The following TSPAN18 variants were observed in gnomAD, a reference collection of about 807,000 sequenced individuals.
TSPAN18 encodes tetraspanin 18.
TSPAN18 carries 14 observed loss-of-function variants against 27.3 expected under a neutral mutation model. The observed-to-expected ratio is 0.51, with a 90% CI of 0.34 to 0.80. The LOEUF (loss-of-function observed/expected upper bound fraction) is 0.80. Among genes scored for constraint, TSPAN18 ranks in the 30% least tolerant of loss-of-function variants. The probability of loss-of-function intolerance (pLI) is 0.01; values close to 1 mark genes in which losing one functional copy is unlikely to be tolerated. For synonymous variants in TSPAN18, 143 were observed against 136.5 expected (o/e 1.05, Z -0.33); for missense variants, 268 against 323.9 (o/e 0.83, Z 1.32).
intron 1 of TSPAN18, among the ~76,000 whole-genome samples, chr11:44,762,650 T>A (rs2134888754): frequency 6.6e-6 from 1 of 152,278 alleles, no homozygotes. Context: ...TGTGTGTGTG[T>A]TTATGGGTTT....
chr11:44,857,183 GGA>G (rs555273452), intron 2 of TSPAN18, among the ~76,000 whole-genome samples: 287 of 152,308 alleles, frequency 1.9e-3, no homozygotes, highest in African/African-American at 6.4e-3. Context: ...GTCTCCCTGG[GGA>G]ACTCTCTGCT....
At chr11:44,804,868 G>A (rs1033300177) in intron 2 of TSPAN18, among the ~76,000 whole-genome samples, 9 of 152,214 alleles carry the variant, frequency 5.9e-5, no homozygotes, top group Admixed American at 5.2e-4. Context: ...ACCCCATTAT[G>A]AGTTCCGACG....
chr11:44,867,257 G>A (rs1858062371), intron 3 of TSPAN18, among the ~76,000 whole-genome samples: 1 of 152,036 alleles, frequency 6.6e-6, no homozygotes, highest in Admixed American at 6.6e-5. Context: ...TCTGATGGAA[G>A]CTCAAGTTTG....
At chr11:44,826,140 G>C (rs1464537295) in intron 2 of TSPAN18, among the ~76,000 whole-genome samples, 1 of 152,240 alleles carries the variant, frequency 6.6e-6, no homozygotes, top group Non-Finnish European at 1.5e-5. Flanking sequence ...GCTAAAAGAA[G>C]GGCCGGACGT....
Position 44,763,330 on chromosome 11 carries a change from GGCC to G in TSPAN18, c.-239-1095_-239-1093del, listed in dbSNP as rs1312405740. Among the ~76,000 whole-genome samples, 376 of 152,230 alleles carry G rather than the reference GGCC, an allele frequency of 2.5e-3. 3 individuals are homozygous for G. The highest frequency in any genetic ancestry group is 8.7e-3 in the African/African-American group (360 of 41,528). ...GTGACTGAGCCAATCTCTTGGGACTGGCCTGTCTCTGCTGGCAGGTATGTGGCC... is the reference window on the plus strand; with the variant it reads ...GTGACTGAGCCAATCTCTTGGGACTGTGTCTCTGCTGGCAGGTATGTGGCC... On this transcript the variant is annotated intron_variant, in intron 1 of 9. Transcript: ENST00000520358.
chr11:44,802,614 C>CACACACACACACACACACACACAG (rs1375848802), intron 2 of TSPAN18, among the ~76,000 whole-genome samples: 2 of 150,878 alleles, frequency 1.3e-5, no homozygotes, highest in African/African-American at 4.9e-5. Flanking sequence ...GCACTGCACA[C>CACACACACACACACACACACACAG]ACACACACAC....
intron 2 of TSPAN18, among the ~76,000 whole-genome samples, chr11:44,857,604 G>T (rs904177589): frequency 2.6e-5 from 4 of 152,302 alleles, no homozygotes; most frequent in Admixed American, 1.3e-4. Flanking sequence ...TGGCCTCAAC[G>T]AGTGTGGGAT....
chr11:44,923,451 C>A (rs1565016739), intron 8 of TSPAN18, among the ~76,000 whole-genome samples: 1 of 152,082 alleles, frequency 6.6e-6, no homozygotes, highest in South Asian at 2.1e-4. Flanking sequence ...CAGGGGAAAC[C>A]GTCACGGGGT....
intron 3 of TSPAN18, among the ~76,000 whole-genome samples, chr11:44,870,843 T>G (rs1858174763): frequency 6.6e-6 from 1 of 152,202 alleles, no homozygotes; most frequent in Non-Finnish European, 1.5e-5. Context: ...GGGGGACTAC[T>G]CATCTTTGTA....
At chr11:44,917,001 C>T (rs1455042084) in intron 5 of TSPAN18, among the ~76,000 whole-genome samples, 1 of 152,236 alleles carries the variant, frequency 6.6e-6, no homozygotes, top group Non-Finnish European at 1.5e-5. Flanking sequence ...TGGCAGATCA[C>T]AGGGCCTTCA....
intron 2 of TSPAN18, among the ~76,000 whole-genome samples, chr11:44,767,316 G>A (rs959308364): frequency 1.3e-5 from 2 of 152,174 alleles, no homozygotes; most frequent in Non-Finnish European, 2.9e-5. Context: ...CCCAGAAGGC[G>A]AGCATTAATA....
chr11:44,787,085 G>A (rs369174671), intron 2 of TSPAN18, among the ~76,000 whole-genome samples: 5 of 152,242 alleles, frequency 3.3e-5, no homozygotes, highest in East Asian at 3.9e-4. Context: ...AGATTTGGAC[G>A]GAGACACAAT....
At chr11:44,780,102 C>G (rs1226771939) in intron 2 of TSPAN18, among the ~76,000 whole-genome samples, 1 of 152,090 alleles carries the variant, frequency 6.6e-6, no homozygotes, top group Non-Finnish European at 1.5e-5. Flanking sequence ...TCACCACCCC[C>G]GAGCTCCTAC....
chr11:44,911,536 TCA>T (rs1859713533), intron 5 of TSPAN18, among the ~76,000 whole-genome samples: 1 of 152,144 alleles, frequency 6.6e-6, no homozygotes, highest in Non-Finnish European at 1.5e-5. Context: ...CTACAGCTTG[TCA>T]CGGTGCTCGC....
At chr11:44,841,252 C>A (rs1292745115) in intron 2 of TSPAN18, among the ~76,000 whole-genome samples, 1 of 152,204 alleles carries the variant, frequency 6.6e-6, no homozygotes, top group Non-Finnish European at 1.5e-5. Flanking sequence ...CGTGGTGGCT[C>A]ATGCCTTTAA....
rs566981669 is a variant in TSPAN18 at position 44,927,160 on chromosome 11, G to T, written c.699+403G>T. ...AGGCCTTTTCTCTGTGGGGTGTTCA[G>T]GGCCTACAGGGCCTTATTCATCCAC... On this transcript the variant is annotated intron_variant, in intron 9 of 9. Coordinates refer to ENST00000520358, the MANE Select transcript of TSPAN18 (RefSeq NM_130783.5). 4.6e-5 allele frequency among the ~76,000 whole-genome samples: 7 copies of T among 152,346 alleles called. No homozygotes were observed. In the East Asian group the frequency reaches 1.3e-3, roughly 29 times the overall value.
At chr11:44,869,236 A>G (rs1232696458) in intron 3 of TSPAN18, among the ~76,000 whole-genome samples, 2 of 152,202 alleles carry the variant, frequency 1.3e-5, no homozygotes, top group African/African-American at 2.4e-5. Context: ...ACATACCTGT[A>G]GCGATGGGGA....
At chr11:44,769,037 G>A (rs1037704684) in intron 2 of TSPAN18, among the ~76,000 whole-genome samples, 15 of 151,870 alleles carry the variant, frequency 9.9e-5, no homozygotes, top group African/African-American at 3.6e-4. Flanking sequence ...TGAGATTACA[G>A]GCGCATGCTA....
At chr11:44,753,070 T>C (rs1855248606) in intron 1 of TSPAN18, among the ~76,000 whole-genome samples, 1 of 152,210 alleles carries the variant, frequency 6.6e-6, no homozygotes, top group Non-Finnish European at 1.5e-5. Context: ...ATATTCTTTT[T>C]GATCACATGC....
Sources: gnomAD v4.1 joint callset for allele counts (sites outside exome capture counted in the v4.1 genomes callset) on GRCh38, gnomAD v4.1.1 for gene constraint, MANE v1.5 for transcripts, NCBI Gene and HGNC (gene_info 2026-07-23, HGNC 2026-07-21) for gene names.